GPC5: variants seen among roughly 807,000 people sequenced by gnomAD.
GPC5 encodes glypican 5.
In GPC5, 47 loss-of-function variants were observed where a neutral mutation model predicts 53.9. The ratio of observed to expected loss-of-function variants is 0.87; its 90% CI spans 0.69 to 1.11. The LOEUF is 1.11. GPC5 is among the 50% of genes most tolerant of loss of function. GPC5 has a pLI of 0.00. For synonymous variants in GPC5, 286 were observed against 263.3 expected (o/e 1.09, Z -0.84); for missense variants, 748 against 713.1 (o/e 1.05, Z -0.56).
intron 2 of GPC5, among the ~76,000 whole-genome samples, chr13:91,474,226 G>T (rs1358197444): frequency 1.3e-5 from 2 of 152,072 alleles, no homozygotes; most frequent in Non-Finnish European, 2.9e-5. Flanking sequence ...TGGCAAGAGT[G>T]CTTAGTCATT....
chr13:91,892,780 C>T (rs1335766795), intron 5 of GPC5, among the ~76,000 whole-genome samples: 1 of 151,734 alleles, frequency 6.6e-6, no homozygotes, highest in African/African-American at 2.4e-5. Context: ...GTATCTTATT[C>T]GAAAGTGACC....
intron 5 of GPC5, among the ~76,000 whole-genome samples, chr13:91,762,790 C>T (rs2037442347): frequency 6.6e-6 from 1 of 152,086 alleles, no homozygotes; most frequent in South Asian, 2.1e-4. Context: ...CCACAATTAA[C>T]TGAATAATTT....
At chr13:92,796,491 A>G (rs1151470) in intron 7 of GPC5, among the ~76,000 whole-genome samples, 81,197 of 151,704 alleles carry the variant, frequency 0.54, 22,958 homozygotes, top group East Asian at 0.84. Flanking sequence ...AAGTATCCTA[A>G]AACTTAAAGT....
chr13:92,806,376 T>C (rs1877100371), intron 7 of GPC5, among the ~76,000 whole-genome samples: 1 of 152,072 alleles, frequency 6.6e-6, no homozygotes, highest in South Asian at 2.1e-4. Context: ...GTTTTCTACC[T>C]CAGCAATAAG....
chr13:92,569,633 G>A (rs150655165), intron 7 of GPC5, among the ~76,000 whole-genome samples: 10 of 152,192 alleles, frequency 6.6e-5, no homozygotes, highest in Non-Finnish European at 1.3e-4. Context: ...AATGAAAAGG[G>A]AACAGGACAG....
chr13:91,616,056 A>AC (rs2033686959), intron 2 of GPC5, among the ~76,000 whole-genome samples: 1 of 152,138 alleles, frequency 6.6e-6, no homozygotes, highest in Non-Finnish European at 1.5e-5. Context: ...ACTGGTGAAA[A>AC]CAAAAAAAAG....
Position 91,699,497 on chromosome 13 carries a change from ACCTTTGC to A in GPC5, c.1020+5617_1020+5623del, listed in dbSNP as rs2035951005. Among the ~76,000 whole-genome samples, 3 of 152,302 alleles carry A rather than the reference ACCTTTGC, an allele frequency of 2.0e-5. No individual in the cohort carries two copies. In the East Asian group the frequency reaches 5.8e-4, roughly 29 times the overall value. On this transcript the variant is annotated intron_variant, in intron 3 of 7. Coordinates refer to ENST00000377067, the MANE Select transcript of GPC5 (RefSeq NM_004466.6). ...AGTAGTGTTGAAAGATATTATTTTTACCTTTGCTTAATTTTTGTTTAACATATGTGGT... is the reference window on the plus strand; with the variant it reads ...AGTAGTGTTGAAAGATATTATTTTTATTAATTTTTGTTTAACATATGTGGT...
chr13:91,457,052 A>G (rs1327308846), intron 2 of GPC5, among the ~76,000 whole-genome samples: 5 of 152,084 alleles, frequency 3.3e-5, no homozygotes, highest in Non-Finnish European at 7.4e-5. Flanking sequence ...TAATAATTTG[A>G]TCACAAATTA....
At chr13:91,580,258 G>A (rs1195932115) in intron 2 of GPC5, among the ~76,000 whole-genome samples, 1 of 152,086 alleles carries the variant, frequency 6.6e-6, no homozygotes, top group African/African-American at 2.4e-5. Flanking sequence ...CATCGTGTTA[G>A]CCAGGATGGT....
At chr13:91,603,258 C>T (rs906631223) in intron 2 of GPC5, among the ~76,000 whole-genome samples, 2 of 152,220 alleles carry the variant, frequency 1.3e-5, no homozygotes, top group African/African-American at 4.8e-5. Flanking sequence ...TTTTAAAGAG[C>T]TCTCTCCGTA....
chr13:91,653,733 C>T (rs1218082273), intron 2 of GPC5, among the ~76,000 whole-genome samples: 1 of 152,120 alleles, frequency 6.6e-6, no homozygotes, highest in Admixed American at 6.6e-5. Context: ...TAAGTTAAAA[C>T]ATCATAGGCA....
intron 6 of GPC5, among the ~76,000 whole-genome samples, chr13:92,095,372 G>T (rs1340145515): frequency 2.0e-5 from 3 of 151,580 alleles, no homozygotes; most frequent in African/African-American, 7.3e-5. Context: ...TTTTTAGATG[G>T]TGTCTCTCTT....
At chr13:92,790,715 A>C (rs1282143330) in intron 7 of GPC5, among the ~76,000 whole-genome samples, 1 of 152,042 alleles carries the variant, frequency 6.6e-6, no homozygotes, top group African/African-American at 2.4e-5. Flanking sequence ...TGATGATACA[A>C]CAGTGTTTGT....
In GPC5 at chr13:91,693,567, A is replaced by T; in HGVS notation, c.706A>T (p.Ile236Phe). The change falls in exon 3 of 8, where the codon ATC (isoleucine) becomes TTC (phenylalanine). Residue 236 changes from isoleucine to phenylalanine, a missense_variant. Transcript: ENST00000377067. ...LQALNLGIEV[I>F]NTTDYLHFSK... ...GGCACTCAATCTGGGCATTGAAGTC[A>T]TCAACACCACAGACTATCTGCACTT... 3.7e-6 allele frequency: 6 copies of T among 1,614,094 alleles called. No homozygotes were observed. The highest frequency in any genetic ancestry group is 5.1e-6 in the Non-Finnish European group (6 of 1,180,014).
chr13:92,538,739 T>C (rs1275874069), intron 7 of GPC5, among the ~76,000 whole-genome samples: 2 of 111,150 alleles, frequency 1.8e-5, no homozygotes, highest in Admixed American at 1.1e-4. Flanking sequence ...TGTGTTAGTT[T>C]GCTCAGAATG....
chr13:92,463,475 T>C (rs1878572623), intron 7 of GPC5, among the ~76,000 whole-genome samples: 1 of 152,220 alleles, frequency 6.6e-6, no homozygotes, highest in African/African-American at 2.4e-5. Flanking sequence ...TGAAGGTCTA[T>C]TAATCCTACC....
At chr13:92,327,161 T>C (rs551228628) in intron 7 of GPC5, among the ~76,000 whole-genome samples, 2 of 152,298 alleles carry the variant, frequency 1.3e-5, no homozygotes, top group South Asian at 4.1e-4. Context: ...TTTACTGCAG[T>C]TTTTGCCTTT....
At chr13:92,417,007 C>A (rs1876333582) in intron 7 of GPC5, among the ~76,000 whole-genome samples, 1 of 152,084 alleles carries the variant, frequency 6.6e-6, no homozygotes, top group Admixed American at 6.5e-5. Flanking sequence ...GGACATAACC[C>A]ATTTAAGTAA....
chr13:92,161,352 C>A (rs73620889), intron 7 of GPC5, among the ~76,000 whole-genome samples: 1,823 of 152,218 alleles, frequency 0.012, 54 homozygotes, highest in African/African-American at 0.041. Context: ...TGCCACAGTG[C>A]CTCCAAACAT....
Sources: allele counts gnomAD v4.1 joint callset (sites outside exome capture counted in the v4.1 genomes callset), GRCh38; gene constraint gnomAD v4.1.1; transcripts MANE v1.5; gene names NCBI Gene and HGNC (gene_info 2026-07-23, HGNC 2026-07-21).